KIAA0825: variants seen among roughly 807,000 people sequenced by gnomAD.
The protein encoded by KIAA0825 is KIAA0825, also known as uncharacterized protein KIAA0825.
Under a neutral mutation model 147.6 loss-of-function variants are expected in KIAA0825, and 119 were observed. That is an observed-to-expected ratio of 0.81 (90% CI 0.69 to 0.94). The LOEUF (loss-of-function observed/expected upper bound fraction) is 0.94. Ranked by LOEUF, KIAA0825 falls within the 40% of genes least tolerant of loss-of-function variation. The probability of loss-of-function intolerance (pLI) is 0.00; values close to 1 mark genes in which losing one functional copy is unlikely to be tolerated. For synonymous variants in KIAA0825, 470 were observed against 518.1 expected (o/e 0.91, Z 1.26); for missense variants, 1,381 against 1,472.7 (o/e 0.94, Z 1.02).
At chr5:94,527,259 G>A (rs1839852) in intron 3 of KIAA0825, among the ~76,000 whole-genome samples, 63,206 of 151,838 alleles carry the variant, frequency 0.42, 14,465 homozygotes, top group African/African-American at 0.62. Flanking sequence ...ATAGCAGTCC[G>A]GGAGCTGATT....
At chr5:94,562,461 T>G (rs549498046) in intron 2 of KIAA0825, among the ~76,000 whole-genome samples, 1 of 152,210 alleles carries the variant, frequency 6.6e-6, no homozygotes, top group Non-Finnish European at 1.5e-5. Context: ...AGAGTGTCAG[T>G]GTCAATTTTG....
chr5:94,261,367 C>G (rs1406391690), intron 20 of KIAA0825, among the ~76,000 whole-genome samples: 2 of 151,968 alleles, frequency 1.3e-5, no homozygotes, highest in African/African-American at 4.8e-5. Context: ...TGTAATCTTT[C>G]CATAATGTTA....
intron 2 of KIAA0825, among the ~76,000 whole-genome samples, chr5:94,581,263 G>A (rs905862518): frequency 7.2e-5 from 11 of 152,122 alleles, no homozygotes; most frequent in Admixed American, 3.3e-4. Flanking sequence ...TGTTATTTGG[G>A]TTTACATTTT....
At chr5:94,489,524 T>G (rs1299304656) in intron 5 of KIAA0825, among the ~76,000 whole-genome samples, 2 of 150,140 alleles carry the variant, frequency 1.3e-5, no homozygotes, top group Non-Finnish European at 3.0e-5. Flanking sequence ...GATTTGGGTC[T>G]CAGAAGTCAA....
intron 20 of KIAA0825, among the ~76,000 whole-genome samples, chr5:94,275,912 C>T (rs1202636313): frequency 1.3e-5 from 2 of 152,110 alleles, no homozygotes; most frequent in African/African-American, 2.4e-5. Context: ...ATGGCGCTGC[C>T]TGCAAATACA....
intron 20 of KIAA0825, among the ~76,000 whole-genome samples, chr5:94,306,190 A>G (rs1778720728): frequency 1.3e-5 from 2 of 151,938 alleles, no homozygotes; most frequent in African/African-American, 2.4e-5. Context: ...GAGAAAAAAA[A>G]GGGGGAATGT....
At chr5:94,205,526 C>T (rs530881536) in intron 20 of KIAA0825, among the ~76,000 whole-genome samples, 13 of 151,828 alleles carry the variant, frequency 8.6e-5, no homozygotes, top group South Asian at 2.1e-4. Context: ...CTCCTGACCT[C>T]GTGATCCGCC....
intron 1 of KIAA0825, chr5:94,611,926 C>G (rs1788913735): frequency 6.6e-6 from 1 of 152,216 alleles, no homozygotes; most frequent in African/African-American, 2.4e-5. Context: ...GGCTGGGTGA[C>G]AGAGTGAGAC....
At chr5:94,364,384 C>CT (rs1259248122) in intron 20 of KIAA0825, among the ~76,000 whole-genome samples, 11 of 151,482 alleles carry the variant, frequency 7.3e-5, no homozygotes, top group South Asian at 2.1e-4. Flanking sequence ...TGCTTCATTT[C>CT]TTTTCTTTTT....
chr5:94,599,331 G>GTTTTTTTTTTTT (rs57220290), intron 1 of KIAA0825, among the ~76,000 whole-genome samples: 1 of 98,512 alleles, frequency 1.0e-5, no homozygotes, highest in Non-Finnish European at 2.0e-5. Context: ...GATTATTTGG[G>GTTTTTTTTTTTT]TTTTTTTTTT....
intron 5 of KIAA0825, among the ~76,000 whole-genome samples, chr5:94,497,268 AT>A (rs1286670534): frequency 6.6e-6 from 1 of 152,130 alleles, no homozygotes. Flanking sequence ...AATCTGTGAG[AT>A]TCATTTTGGA....
chr5:94,588,269 G>A (rs531119440), intron 1 of KIAA0825, among the ~76,000 whole-genome samples: 40 of 152,242 alleles, frequency 2.6e-4, no homozygotes, highest in Admixed American at 7.2e-4. Context: ...TACAGAATGG[G>A]AGAAAATTTT....
At chr5:94,589,077 C>T (rs114780932) in intron 1 of KIAA0825, among the ~76,000 whole-genome samples, 2,444 of 152,078 alleles carry the variant, frequency 0.016, 68 homozygotes, top group African/African-American at 0.055. Context: ...GTAAAAGTGC[C>T]GCAAACCAAC....
At chr5:94,267,058 G>A (rs757032508) in intron 20 of KIAA0825, among the ~76,000 whole-genome samples, 2 of 152,136 alleles carry the variant, frequency 1.3e-5, no homozygotes, top group Non-Finnish European at 2.9e-5. Flanking sequence ...GTGACTGGGT[G>A]CTCAGTTTTC....
At chr5:94,391,857 T>A (rs1334993504) in intron 17 of KIAA0825, among the ~76,000 whole-genome samples, 163 bp from the exon 18 acceptor site, 1 of 152,180 alleles carries the variant, frequency 6.6e-6, no homozygotes, top group Non-Finnish European at 1.5e-5. Context: ...GCCACTCACA[T>A]AAACAGCACC....
At chr5:94,162,958 G>T (rs1356656129) in intron 20 of KIAA0825, among the ~76,000 whole-genome samples, 12 of 152,072 alleles carry the variant, frequency 7.9e-5, no homozygotes, top group Non-Finnish European at 1.5e-5. Flanking sequence ...ATCTCAAAAG[G>T]TATTATTTGT....
intron 20 of KIAA0825, among the ~76,000 whole-genome samples, chr5:94,271,184 A>G (rs185073800): frequency 6.6e-6 from 1 of 152,214 alleles, no homozygotes; most frequent in East Asian, 1.9e-4. Context: ...CATTATAAGA[A>G]CTCTCCAGGA....
At chr5:94,431,355 T>C (rs1278058684) in intron 14 of KIAA0825, among the ~76,000 whole-genome samples, 3 of 152,218 alleles carry the variant, frequency 2.0e-5, no homozygotes, top group Non-Finnish European at 2.9e-5. Flanking sequence ...CCTGCAATCA[T>C]TCAACAAATA....
intron 1 of KIAA0825, among the ~76,000 whole-genome samples, chr5:94,605,734 C>G (rs1458865668): frequency 6.6e-6 from 1 of 152,126 alleles, no homozygotes; most frequent in East Asian, 1.9e-4. Flanking sequence ...GTTAAAAACT[C>G]TCAATAAACA....
Sources: allele counts gnomAD v4.1 joint callset (sites outside exome capture counted in the v4.1 genomes callset), GRCh38; gene constraint gnomAD v4.1.1; transcripts MANE v1.5; gene names NCBI Gene and HGNC (gene_info 2026-07-23, HGNC 2026-07-21).